EME2: variants seen among roughly 807,000 people sequenced by gnomAD.
The protein encoded by EME2 is structure-specific endonuclease subunit EME2.
Under a neutral mutation model 41.9 loss-of-function variants are expected in EME2, and 58 were observed. The ratio of observed to expected loss-of-function variants is 1.38; its 90% CI spans 1.12 to 1.72. The LOEUF (loss-of-function observed/expected upper bound fraction) is 1.72. EME2 is among the 40% of genes most tolerant of loss of function. The probability of loss-of-function intolerance (pLI) is 0.00; values close to 1 mark genes in which losing one functional copy is unlikely to be tolerated. For synonymous variants in EME2, 334 were observed against 239.3 expected (o/e 1.40, Z -3.65); for missense variants, 695 against 541.9 (o/e 1.28, Z -2.81).
chr16:1,776,347 C>A lies in EME2; in HGVS notation c.*109C>A, dbSNP rs1039943779. ...TGTGGACCCTCAGCCTGGGTGGGTT[C>A]TCTGGCTGAGCAGGTCTGACCTCAG... On this transcript the variant is annotated 3_prime_UTR_variant, in exon 8 of 8. Transcript: ENST00000568449. 5 of 1,180,650 alleles carry A rather than the reference C, an allele frequency of 4.2e-6. No homozygotes were observed. Among genetic ancestry groups the A allele is most frequent in the East Asian group, 2.4e-5 (1 of 41,936 alleles). 73.1% of individuals were successfully genotyped at this position (1,180,650 alleles called of 1,614,324 possible).
rs776700162 is a variant in EME2 at position 1,778,393 on chromosome 16, G to A, written c.*2155G>A. The A allele has an allele frequency of 1.9e-5, 30 of 1,605,514 alleles. No homozygotes were observed. Among genetic ancestry groups the A allele is most frequent in the Non-Finnish European group, 2.3e-5 (27 of 1,176,740 alleles). On this transcript the variant is annotated 3_prime_UTR_variant, in exon 8 of 8. Coordinates refer to ENST00000568449, the MANE Select transcript of EME2 (RefSeq NM_001257370.2). ...CTCTGCCCTGCCCACCCCCAGGCCC[G>A]CCCGCAGTGCAGTCCCAGCAGGGGC...
chr16:1,773,053 C>G lies in EME2; in HGVS notation c.-175C>G, dbSNP rs11552432. ...GAGTCGCGCGGCCTGTTCAGTTGCT[C>G]CCGCAGGGCGCGCACGCGGCGGGCC... On this transcript the variant is annotated 5_prime_UTR_variant, in exon 1 of 8. Coordinates refer to ENST00000568449, the MANE Select transcript of EME2 (RefSeq NM_001257370.2). 0.035 allele frequency: 49,936 copies of G among 1,423,392 alleles called. 1,001 individuals are homozygous for G. The highest frequency in any genetic ancestry group is 0.041 in the Non-Finnish European group (44,454 of 1,090,038). 88.2% of individuals were successfully genotyped at this position (1,423,392 alleles called of 1,614,324 possible). A position where few individuals can be genotyped will look rare whatever the true frequency, so the allele number is the denominator to read the frequency against.
chr16:1,777,034 G>A lies in EME2; in HGVS notation c.*796G>A, dbSNP rs2042723979. 42 of 1,544,544 alleles carry A rather than the reference G, an allele frequency of 2.7e-5. No individual in the cohort carries two copies. In the South Asian group the frequency reaches 4.5e-4, roughly 16 times the overall value. Reference sequence around the variant, plus strand: ...AGTGTGGCTGGAAGGAAGGGACAGAGAAAGAAGGGACAGAGGAAAGGGGCT... The same window carrying A: ...AGTGTGGCTGGAAGGAAGGGACAGAAAAAGAAGGGACAGAGGAAAGGGGCT... On this transcript the variant is annotated 3_prime_UTR_variant, in exon 8 of 8. Transcript: ENST00000568449.
At position 1,778,131 on chromosome 16, in the gene EME2, T is replaced by TA. The variant is rs1414872251; in HGVS notation, c.*1894dup. 13 of 1,612,750 alleles carry TA rather than the reference T, an allele frequency of 8.1e-6. No homozygotes were observed. Among genetic ancestry groups the TA allele is most frequent in the Non-Finnish European group, 1.1e-5 (13 of 1,179,710 alleles). ...AGAAGCACCCTGGGCCGAAGCAACTTACCATGTCGGTGCCGTAGACGGGAG... is the reference window on the plus strand; with the variant it reads ...AGAAGCACCCTGGGCCGAAGCAACTTAACCATGTCGGTGCCGTAGACGGGAG... On this transcript the variant is annotated 3_prime_UTR_variant, in exon 8 of 8. Transcript: ENST00000568449.
In EME2 at chr16:1,772,852, C is replaced by T. The variant is rs2042643431; in HGVS notation, c.-376C>T. On this transcript the variant is annotated 5_prime_UTR_variant, in exon 1 of 8. Transcript: ENST00000568449. ...GTGAGGCGCCAGTAGCACGGCTCGTCGTGCTGCCACAGCCAGGACTTGCGC... is the reference window on the plus strand; with the variant it reads ...GTGAGGCGCCAGTAGCACGGCTCGTTGTGCTGCCACAGCCAGGACTTGCGC... 2.1e-6 allele frequency: 3 copies of T among 1,443,836 alleles called. No homozygotes were observed. The highest frequency in any genetic ancestry group is 2.9e-5 in the South Asian group (2 of 69,792). The allele number at this position is 1,443,836 out of a possible 1,614,324, so 89.4% of individuals were successfully genotyped here. A position where few individuals can be genotyped will look rare whatever the true frequency, so the allele number is the denominator to read the frequency against.
Position 1,780,988 on chromosome 16 carries a change from C to T in EME2, c.*4750C>T, listed in dbSNP as rs781714800. The stretch of plus-strand genomic sequence containing the variant: ...GCTCAAGTGGTCCTCCAGCTTCAGC[C>T]TCCCAAAGTGCTAGGATTATAGGTG... On this transcript the variant is annotated 3_prime_UTR_variant, in exon 8 of 8. Transcript: ENST00000568449. The T allele has an allele frequency of 2.5e-6, 1 of 407,950 alleles. No individual in the cohort carries two copies. The highest frequency in any genetic ancestry group is 4.4e-6 in the Non-Finnish European group (1 of 227,864). 25.3% of individuals were successfully genotyped at this position (407,950 alleles called of 1,614,324 possible).
Position 1,781,211 on chromosome 16 carries a change from G to A in EME2, c.*4973G>A, listed in dbSNP as rs1269853031. On this transcript the variant is annotated 3_prime_UTR_variant, in exon 8 of 8. Transcript: ENST00000568449. The stretch of plus-strand genomic sequence containing the variant: ...GTCTTACTGAATGCGGTGCATCCAG[G>A]AGACAGGCCCAGGTTTGGACTGGTC... 6.4e-7 allele frequency: 1 copy of A among 1,569,720 alleles called. No individual in the cohort carries two copies.
chr16:1,775,179 T>A lies in EME2; in HGVS notation c.569+47T>A, dbSNP rs151128614. ...ACAGCAGGGCTGGCTGGGACGGGGG[T>A]TCAGGGGAGGTGGGCACACTTCTGG... On this transcript the variant is annotated intron_variant, in intron 4 of 7. Transcript: ENST00000568449. 1.8e-5 allele frequency: 29 copies of A among 1,600,206 alleles called. No individual in the cohort carries two copies. The African/African-American group carries it at 3.6e-4, about 20-fold the overall frequency.
chr16:1,777,866 A>T lies in EME2; in HGVS notation c.*1628A>T. Reference sequence around the variant, plus strand: ...GCTGGTCTTGTCGCCCTTGTGGTGGAGGAGGCCTGGGGGCAGCCAGGGTCG... The same window carrying T: ...GCTGGTCTTGTCGCCCTTGTGGTGGTGGAGGCCTGGGGGCAGCCAGGGTCG... On this transcript the variant is annotated 3_prime_UTR_variant, in exon 8 of 8. Transcript: ENST00000568449. 1 of 1,612,170 alleles carries T rather than the reference A, an allele frequency of 6.2e-7. No homozygotes were observed. Among genetic ancestry groups the T allele is most frequent in the Non-Finnish European group, 8.5e-7 (1 of 1,179,604 alleles).
chr16:1,781,364 A>C lies in EME2; in HGVS notation c.*5126A>C, dbSNP rs766492010. 3.1e-6 allele frequency: 5 copies of C among 1,612,530 alleles called. No homozygotes were observed. The highest frequency in any genetic ancestry group is 4.2e-6 in the Non-Finnish European group (5 of 1,179,970). Reference sequence around the variant, plus strand: ...CTCGCCCGCTGGAACCTACCTGCCCATCAGAGTCGTAGCCCCAGTTAGTGG... The same window carrying C: ...CTCGCCCGCTGGAACCTACCTGCCCCTCAGAGTCGTAGCCCCAGTTAGTGG... On this transcript the variant is annotated 3_prime_UTR_variant, in exon 8 of 8. Transcript: ENST00000568449.
rs969029772 is a variant in EME2 at position 1,776,441 on chromosome 16, G to A, written c.*203G>A. 6 of 572,436 alleles carry A rather than the reference G, an allele frequency of 1.0e-5. No individual in the cohort carries two copies. Among genetic ancestry groups the A allele is most frequent in the Non-Finnish European group, 9.2e-6 (3 of 326,204 alleles). 35.5% of individuals were successfully genotyped at this position (572,436 alleles called of 1,614,324 possible). On this transcript the variant is annotated 3_prime_UTR_variant, in exon 8 of 8. Coordinates refer to ENST00000568449, the MANE Select transcript of EME2 (RefSeq NM_001257370.2). ...GAAGAGGGGCTTCTGGCTGGCAGAT[G>A]GCTGGCGGTTCCTGTGCTGAGTCCT... is the stretch of plus-strand genomic sequence containing the variant.
chr16:1,773,611 C>G (rs1462274623), intron 1 of EME2, 94 bp from the exon 2 acceptor site: 21 of 1,537,072 alleles, frequency 1.4e-5, no homozygotes, highest in East Asian at 7.4e-5. Context: ...GGGTTTGTGC[C>G]GAATGGAGAC....
In EME2 at chr16:1,778,327, A is replaced by G. The variant is rs1369578551; in HGVS notation, c.*2089A>G. 6.2e-7 allele frequency: 1 copy of G among 1,611,898 alleles called. No individual in the cohort carries two copies. Among genetic ancestry groups the G allele is most frequent in the African/African-American group, 1.3e-5 (1 of 74,924 alleles). On this transcript the variant is annotated 3_prime_UTR_variant, in exon 8 of 8. Coordinates refer to ENST00000568449, the MANE Select transcript of EME2 (RefSeq NM_001257370.2). The stretch of plus-strand genomic sequence containing the variant: ...ATCCCAGACCCAGTCGAAATCTGCA[A>G]GAGAGGCCCAGGCTGGGGCAGCCCT...
Position 1,777,531 on chromosome 16 carries a change from C to G in EME2, c.*1293C>G, listed in dbSNP as rs1469971899. On this transcript the variant is annotated 3_prime_UTR_variant, in exon 8 of 8. Transcript: ENST00000568449. ...CCTCAGACCTCACGCTACAGTCACC[C>G]GGGTGGGCAGCTGGCACAGCTGAGG... is the stretch of plus-strand genomic sequence containing the variant. 1.4e-6 allele frequency: 2 copies of G among 1,392,164 alleles called. No homozygotes were observed. Among genetic ancestry groups the G allele is most frequent in the South Asian group, 1.5e-5 (1 of 68,102 alleles). The allele number at this position is 1,392,164 out of a possible 1,614,324, so 86.2% of individuals were successfully genotyped here.
At position 1,778,056 on chromosome 16, in the gene EME2, C is replaced by T; in HGVS notation, c.*1818C>T. On this transcript the variant is annotated 3_prime_UTR_variant, in exon 8 of 8. Coordinates refer to ENST00000568449, the MANE Select transcript of EME2 (RefSeq NM_001257370.2). The stretch of plus-strand genomic sequence containing the variant: ...CGTCCCGATGCCCACCATCTAGGAA[C>T]AGGGGCCAGGCAGAGGGCGCGGGGC... The T allele has an allele frequency of 1.2e-6, 2 of 1,613,164 alleles. No individual in the cohort carries two copies. Among genetic ancestry groups the T allele is most frequent in the African/African-American group, 1.3e-5 (1 of 75,040 alleles).
rs756235023 is a variant in EME2, at chr16:1,773,388, C to T, written c.161C>T (p.Ala54Val). 4 of 1,553,936 alleles carry T rather than the reference C, an allele frequency of 2.6e-6. No homozygotes were observed. The highest frequency in any genetic ancestry group is 3.7e-5 in the Admixed American group (2 of 54,450). ...GCCGCCGCGAGAGCCCGGGACCCAG[C>T]GGGTGAGCGCAGGGCGGCTGCCGAG... is the stretch of plus-strand genomic sequence containing the variant. ...SEAAARARDP[A>V]GERRAAAEAL... Residue 54 changes from alanine (A) to valine (V), a missense_variant, in exon 1 of 8, where the codon GCG (alanine) becomes GTG (valine). By Grantham distance (64) the Ala-to-Val change is moderately conservative. Transcript: ENST00000568449.
rs772529627 is a variant in EME2, at chr16:1,775,090, C to G, written c.527C>G (p.Ala176Gly). 18 of 1,611,450 alleles carry G rather than the reference C, an allele frequency of 1.1e-5. No homozygotes were observed. The highest frequency in any genetic ancestry group is 1.5e-5 in the Non-Finnish European group (18 of 1,179,992). Residue 176 changes from alanine (A) to glycine (G), a missense_variant, in exon 4 of 8, where the codon GCC becomes GGC. Transcript: ENST00000568449. ...WVPWISPETT[A>G]RPHLAVIGLD... ...CCCTGGATCTCCCCCGAGACCACCG[C>G]CCGGCCCCACCTGGCTGTCATCGGG...
chr16:1,778,343 G>A lies in EME2; in HGVS notation c.*2105G>A. The A allele has an allele frequency of 6.2e-7, 1 of 1,611,384 alleles. No homozygotes were observed. On this transcript the variant is annotated 3_prime_UTR_variant, in exon 8 of 8. Transcript: ENST00000568449. ...AAATCTGCAAGAGAGGCCCAGGCTGGGGCAGCCCTGAGAGCTCCATGGGGC... is the reference window on the plus strand; with the variant it reads ...AAATCTGCAAGAGAGGCCCAGGCTGAGGCAGCCCTGAGAGCTCCATGGGGC...
chr16:1,777,029 A>C lies in EME2; in HGVS notation c.*791A>C. ...CCTGGAGTGTGGCTGGAAGGAAGGG[A>C]CAGAGAAAGAAGGGACAGAGGAAAG... On this transcript the variant is annotated 3_prime_UTR_variant, in exon 8 of 8. Coordinates refer to ENST00000568449, the MANE Select transcript of EME2 (RefSeq NM_001257370.2). 3.3e-6 allele frequency: 5 copies of C among 1,527,502 alleles called. No homozygotes were observed. Among genetic ancestry groups the C allele is most frequent in the Non-Finnish European group, 4.4e-6 (5 of 1,126,418 alleles). The allele number at this position is 1,527,502 out of a possible 1,614,324, so 94.6% of individuals were successfully genotyped here. A position where few individuals can be genotyped will look rare whatever the true frequency, so the allele number is the denominator to read the frequency against.
Sources: allele counts gnomAD v4.1 joint callset, GRCh38; gene constraint gnomAD v4.1.1; transcripts MANE v1.5; gene names NCBI Gene and HGNC (gene_info 2026-07-23, HGNC 2026-07-21).